The following PRPF4 variants were observed in gnomAD, a reference collection of about 807,000 sequenced individuals.
PRPF4 encodes the protein U4/U6 small nuclear ribonucleoprotein Prp4.
A neutral mutation model predicts 72.2 loss-of-function variants in PRPF4; 14 were observed. That is an observed-to-expected ratio of 0.19 (90% CI 0.13 to 0.30). PRPF4 has a LOEUF of 0.30. Ranked by LOEUF, PRPF4 falls within the 10% of genes least tolerant of loss-of-function variation. The pLI, the probability that PRPF4 is intolerant of heterozygous loss-of-function variation, is 1.00. For missense variants in PRPF4, 478 were observed against 653.9 expected, an observed-to-expected ratio of 0.73 and a Z score of 2.93; for synonymous variants, 225 against 232.2, an observed-to-expected ratio of 0.97 and a Z score of 0.28.
rs1832618173 is a variant in PRPF4, at chr9:113,291,877, T to C, written c.*217T>C. Reference sequence around the variant, plus strand: ...CTCTCACGGTTGAAAATTTATTACCTTTTTACGCCCTGCCACGAACTGTGT... The same window carrying C: ...CTCTCACGGTTGAAAATTTATTACCCTTTTACGCCCTGCCACGAACTGTGT... On this transcript the variant is annotated 3_prime_UTR_variant, in exon 14 of 14. Transcript: ENST00000374198. The C allele has an allele frequency of 1.2e-5, 6 of 514,270 alleles. No individual in the cohort carries two copies. The highest frequency in any genetic ancestry group is 3.4e-5 in the Admixed American group (1 of 29,800). 31.9% of individuals were successfully genotyped at this position (514,270 alleles called of 1,614,324 possible).
intron 9 of PRPF4, 99 bp downstream of exon 9, chr9:113,286,927 T>C (rs1405155454): frequency 6.4e-7 from 1 of 1,552,934 alleles, no homozygotes; most frequent in Non-Finnish European, 8.8e-7. Context: ...ATTTAGGCCA[T>C]GCGCAGTGGC....
chr9:113,289,421 C>T (rs1219957773), intron 10 of PRPF4, among the ~76,000 whole-genome samples: 2 of 152,194 alleles, frequency 1.3e-5, no homozygotes, highest in Non-Finnish European at 2.9e-5. Flanking sequence ...TTTTCCAAAG[C>T]GGTTACACCA....
At chr9:113,288,087 C>A in intron 9 of PRPF4, 88 bp from the exon 10 acceptor site, 1 of 1,255,734 alleles carries the variant, frequency 8.0e-7, no homozygotes, top group Non-Finnish European at 1.1e-6. Flanking sequence ...TCGTGTTGTA[C>A]AGAATGGGTA....
intron 3 of PRPF4, 21 bp from the exon 4 acceptor site, chr9:113,282,625 C>CTTTT (rs199502579): frequency 1.4e-4 from 182 of 1,257,348 alleles, no homozygotes; most frequent in South Asian, 5.0e-4. Flanking sequence ...AAATTCTGAT[C>CTTTT]TTTTTTTTTT....
intron 7 of PRPF4, 123 bp downstream of exon 7, chr9:113,284,512 A>G (rs1171693410): frequency 7.7e-6 from 6 of 782,996 alleles, no homozygotes; most frequent in Non-Finnish European, 1.1e-5. Context: ...ATCACACCAA[A>G]CTACAGATGT....
At chr9:113,275,924 G>T (rs527662710) in intron 1 of PRPF4, among the ~76,000 whole-genome samples, 154 bp downstream of exon 1, 1 of 152,170 alleles carries the variant, frequency 6.6e-6, no homozygotes, top group Non-Finnish European at 1.5e-5. Context: ...GCGGACCACC[G>T]TTTTCCTGAT....
rs753401388 is a variant in PRPF4, at chr9:113,276,537, T to G, written c.28-11T>G. ...TAAACCTTAGTTTAATGCAGATCTT[T>G]GATTTAGCAGGCAACCAAAACTAAA... On this transcript the variant is annotated splice_polypyrimidine_tract_variant and intron_variant, in intron 1 of 13. Transcript: ENST00000374198. 6.2e-7 allele frequency: 1 copy of G among 1,614,102 alleles called. No individual in the cohort carries two copies. The highest frequency in any genetic ancestry group is 1.1e-5 in the South Asian group (1 of 91,084).
chr9:113,275,702 G>C lies in PRPF4; in HGVS notation c.-42G>C, dbSNP rs1832066503. The stretch of plus-strand genomic sequence containing the variant: ...CGCGCGGTGGACGGTCTGAAAGGGA[G>C]TGTTCGGGTTTCGCTGGGGCCTCGC... On this transcript the variant is annotated 5_prime_UTR_variant, in exon 1 of 14. Coordinates refer to ENST00000374198, the MANE Select transcript of PRPF4 (RefSeq NM_001244926.2). The C allele has an allele frequency of 1.9e-6, 3 of 1,603,916 alleles. No homozygotes were observed. Among genetic ancestry groups the C allele is most frequent in the Non-Finnish European group, 1.7e-6 (2 of 1,175,256 alleles).
At chr9:113,280,145 A>G (rs1003758608) in intron 3 of PRPF4, among the ~76,000 whole-genome samples, 1 of 152,136 alleles carries the variant, frequency 6.6e-6, no homozygotes, top group Non-Finnish European at 1.5e-5. Flanking sequence ...TAGCCCTAGT[A>G]TACTGCCAGC....
At chr9:113,276,867 T>A in intron 2 of PRPF4, 142 bp downstream of exon 2, 1 of 941,640 alleles carries the variant, frequency 1.1e-6, no homozygotes, top group South Asian at 1.6e-5. Flanking sequence ...CAGGCTGGAG[T>A]GCAGTGGTGC....
At chr9:113,291,118 G>A in intron 13 of PRPF4, 102 bp downstream of exon 13, 3 of 1,186,110 alleles carry the variant, frequency 2.5e-6, no homozygotes, top group Admixed American at 1.7e-5. Flanking sequence ...AGTAAAACAG[G>A]AGAGAAATTG....
At chr9:113,278,696 G>T (rs1832186941) in intron 2 of PRPF4, among the ~76,000 whole-genome samples, 1 of 152,222 alleles carries the variant, frequency 6.6e-6, no homozygotes, top group Admixed American at 6.5e-5. Flanking sequence ...CAGCCAAAGT[G>T]TGTGTTTATA....
Position 113,282,602 on chromosome 9 carries a change from C to T in PRPF4, c.393-44C>T, listed in dbSNP as rs768763851. ...AAGTGTACTTTAAAAACAGTATTAT[C>T]TCAACCATGTTTAAATTCTGATCTT... On this transcript the variant is annotated intron_variant, in intron 3 of 13. Transcript: ENST00000374198. 5 of 1,430,772 alleles carry T rather than the reference C, an allele frequency of 3.5e-6. No homozygotes were observed. The Admixed American group carries it at 9.8e-5, about 28-fold the overall frequency. The allele number at this position is 1,430,772 out of a possible 1,614,324, so 88.6% of individuals were successfully genotyped here.
At position 113,283,372 on chromosome 9, in the gene PRPF4, G is replaced by C. The variant is rs768255527; in HGVS notation, c.561-17G>C. ...TACAACCCTGTTGCTCCTGGTGATGGTGTTTCTGTGTCGCAGGGCAATGAA... is the reference window on the plus strand; with the variant it reads ...TACAACCCTGTTGCTCCTGGTGATGCTGTTTCTGTGTCGCAGGGCAATGAA... On this transcript the variant is annotated splice_polypyrimidine_tract_variant and intron_variant, in intron 5 of 13. Coordinates refer to ENST00000374198, the MANE Select transcript of PRPF4 (RefSeq NM_001244926.2). 1 of 1,613,930 alleles carries C rather than the reference G, an allele frequency of 6.2e-7. No homozygotes were observed.
rs199753287 is a variant in PRPF4, at chr9:113,290,972, C to T, written c.1328C>T (p.Thr443Ile). 323 of 1,614,110 alleles carry T rather than the reference C, an allele frequency of 2.0e-4. No individual in the cohort carries two copies. The highest frequency in any genetic ancestry group is 2.5e-4 in the Non-Finnish European group (295 of 1,180,030). ...CTCCGACAGCGGCGTTGCGTCTACA[C>T]CATCCCTGCTCATCAGAACTTAGTG... ...WDLRQRRCVY[T>I]IPAHQNLVTG... Residue 443 changes from threonine (T) to isoleucine (I), a missense_variant, in exon 13 of 14, where the codon ACC becomes ATC. By Grantham distance (89) the Thr-to-Ile change is moderately conservative. Transcript: ENST00000374198.
chr9:113,289,147 A>T (rs79069961), intron 10 of PRPF4, among the ~76,000 whole-genome samples: 1 of 152,214 alleles, frequency 6.6e-6, no homozygotes, highest in Non-Finnish European at 1.5e-5. Flanking sequence ...TTCTTTCAGC[A>T]TAACATTGTT....
chr9:113,285,430 G>A (rs769809746), intron 7 of PRPF4, among the ~76,000 whole-genome samples: 1 of 129,486 alleles, frequency 7.7e-6, no homozygotes, highest in Non-Finnish European at 1.6e-5. Flanking sequence ...CCAGGCTGGA[G>A]TGCAGTGGCG....
In PRPF4 at chr9:113,290,960, G is replaced by A. The variant is rs149218074; in HGVS notation, c.1316G>A (p.Arg439His). 1.1e-5 allele frequency: 18 copies of A among 1,614,022 alleles called. No individual in the cohort carries two copies. Among genetic ancestry groups the A allele is most frequent in the African/African-American group, 1.1e-4 (8 of 74,910 alleles). ...TCKVWDLRQRRCVYTIPAHQN... is the reference protein window; with the variant it reads ...TCKVWDLRQRHCVYTIPAHQN... ...AAAGTGTGGGACCTCCGACAGCGGC[G>A]TTGCGTCTACACCATCCCTGCTCAT... Residue 439 changes from arginine (R) to histidine (H), a missense_variant, in exon 13 of 14, where the codon CGT becomes CAT. Coordinates refer to ENST00000374198, the MANE Select transcript of PRPF4 (RefSeq NM_001244926.2).
chr9:113,276,760 T>C (rs1197813807), intron 2 of PRPF4, 35 bp downstream of exon 2: 47 of 1,565,162 alleles, frequency 3.0e-5, no homozygotes, highest in Non-Finnish European at 3.7e-5. Context: ...CTTTACCTCT[T>C]TGTGTAATGA....
Sources: allele counts gnomAD v4.1 joint callset (sites outside exome capture counted in the v4.1 genomes callset), GRCh38; gene constraint gnomAD v4.1.1; transcripts MANE v1.5; gene names NCBI Gene and HGNC (gene_info 2026-07-23, HGNC 2026-07-21).